Variants in PRC1 observed in about 807,000 individuals in gnomAD.
PRC1 encodes the protein anaphase spindle elongation 1 homolog.
Under a neutral mutation model 91.2 loss-of-function variants are expected in PRC1, and 54 were observed. That is an observed-to-expected ratio of 0.59 (90% CI 0.48 to 0.74). The LOEUF (loss-of-function observed/expected upper bound fraction) is 0.74, where lower values mean the gene tolerates loss of function less well. Among genes scored for constraint, PRC1 ranks in the 30% least tolerant of loss-of-function variants. The pLI is 0.00. For synonymous variants in PRC1, 275 were observed against 263.6 expected, an observed-to-expected ratio of 1.04 and a Z score of -0.42; for missense variants, 727 against 746.2, an observed-to-expected ratio of 0.97 and a Z score of 0.30.
intron 11 of PRC1, among the ~76,000 whole-genome samples, chr15:90,972,708 A>G (rs1214910637): frequency 6.6e-6 from 1 of 151,926 alleles, no homozygotes; most frequent in Non-Finnish European, 1.5e-5. Flanking sequence ...ATTGCACTCC[A>G]GCCTAGGCAA....
Position 90,969,499 on chromosome 15 carries a change from A to T in PRC1, c.1697T>A (p.Leu566His), listed in dbSNP as rs146571257. ...LSGGYPGSAPLQRNFSINSVA... is the reference protein window; with the variant it reads ...LSGGYPGSAPHQRNFSINSVA... ...AGAATTAATGCTGAAGTTGCGCTGG[A>T]GGGGGGCCGAGCCAGGGTACCCACC... Residue 566 changes from leucine (L) to histidine (H), a missense_variant, in exon 13 of 15, where the codon CTC becomes CAC. By Grantham distance (99) the Leu-to-His change is moderately conservative (BLOSUM62 -3). Coordinates refer to ENST00000394249, the MANE Select transcript of PRC1 (RefSeq NM_003981.4). 1.2e-5 allele frequency: 20 copies of T among 1,612,348 alleles called. No individual in the cohort carries two copies. The highest frequency in any genetic ancestry group is 1.3e-5 in the Non-Finnish European group (15 of 1,179,160).
chr15:90,970,755 ACAT>A (rs1195683199), intron 11 of PRC1, among the ~76,000 whole-genome samples: 1 of 152,246 alleles, frequency 6.6e-6, no homozygotes, highest in Non-Finnish European at 1.5e-5. Context: ...GTGGCACAAG[ACAT>A]CTAGCATATG....
chr15:90,987,214 G>A (rs2039649753), intron 1 of PRC1, among the ~76,000 whole-genome samples: 2 of 151,902 alleles, frequency 1.3e-5, no homozygotes, highest in African/African-American at 4.8e-5. Flanking sequence ...CTGAGAGGAT[G>A]AGGCTGCAGT....
chr15:90,982,272 TAC>T lies in PRC1; in HGVS notation c.268-293_268-292del, dbSNP rs200076121. ...ACGTGTACAGTTCATTGGTATTAAG[TAC>T]AGTCATATTGTTGTGCAATCATAAC... On this transcript the variant is annotated intron_variant, in intron 3 of 14. Coordinates refer to ENST00000394249, the MANE Select transcript of PRC1 (RefSeq NM_003981.4). Among the ~76,000 whole-genome samples, 5 of 152,352 alleles carry T rather than the reference TAC, an allele frequency of 3.3e-5. No homozygotes were observed. The East Asian group carries it at 7.7e-4, about 24-fold the overall frequency.
Position 90,980,176 on chromosome 15 carries a change from A to G in PRC1, c.970+66T>C, listed in dbSNP as rs371388236. 4.8e-6 allele frequency: 7 copies of G among 1,472,650 alleles called. 1 individual carries two copies. Among genetic ancestry groups the G allele is most frequent in the Admixed American group, 2.5e-5 (1 of 39,508 alleles). The allele number at this position is 1,472,650 out of a possible 1,614,324, so 91.2% of individuals were successfully genotyped here. On this transcript the variant is annotated intron_variant, in intron 7 of 14. Coordinates refer to ENST00000394249, the MANE Select transcript of PRC1 (RefSeq NM_003981.4). ...TGTTTGAGCCTAGGAACTTGAGACT[A>G]GGCTGGGCAACAGAGTAAGACCTGT...
intron 8 of PRC1, 146 bp from the exon 9 acceptor site, chr15:90,976,917 G>C: frequency 1.7e-6 from 1 of 589,686 alleles, no homozygotes; most frequent in Non-Finnish European, 3.0e-6. Context: ...GATCACCTGA[G>C]GTCGACAGTT....
At chr15:90,982,024 T>C in intron 3 of PRC1, 43 bp from the exon 4 acceptor site, 1 of 1,560,334 alleles carries the variant, frequency 6.4e-7, no homozygotes, top group Non-Finnish European at 8.8e-7. Flanking sequence ...TCCAAGTGAA[T>C]TCCTTCAGAG....
intron 1 of PRC1, among the ~76,000 whole-genome samples, chr15:90,989,998 T>C (rs190138106): frequency 6.6e-5 from 10 of 152,174 alleles, no homozygotes; most frequent in Admixed American, 6.5e-4. Flanking sequence ...CCGGAGTAGC[T>C]GGGACTACAG....
Position 90,980,986 on chromosome 15 carries a change from A to G in PRC1, c.720T>C (p.Arg240=). 6.2e-7 allele frequency: 1 copy of G among 1,614,202 alleles called. No individual in the cohort carries two copies. ...TGTCCCAGAGCTCTCGGATTTGAGTACGCAGCCCCTCACACACTGCTTCAT... is the reference window on the plus strand; with the variant it reads ...TGTCCCAGAGCTCTCGGATTTGAGTGCGCAGCCCCTCACACACTGCTTCAT... ...SQNEAVCEGL[R]TQIRELWDRL... Residue 240 remains arginine (R), a synonymous_variant, in exon 6 of 15, where the codon CGT becomes CGC. Coordinates refer to ENST00000394249, the MANE Select transcript of PRC1 (RefSeq NM_003981.4).
rs552892212 is a variant in PRC1, at chr15:90,974,321, C to T, written c.1351-75G>A. ...TCTGGGATGGCAACAGCAGCAGGGC[C>T]GGGAATCTAGGCCCGTGTCTCTACA... On this transcript the variant is annotated intron_variant, in intron 10 of 14. Coordinates refer to ENST00000394249, the MANE Select transcript of PRC1 (RefSeq NM_003981.4). This position sits in a 1 kb window ranked among gnomAD's most constrained non-coding sequence, Gnocchi z 4.6. 7.4e-4 allele frequency: 983 copies of T among 1,334,634 alleles called. 2 individuals carry two copies. Among genetic ancestry groups the T allele is most frequent in the Non-Finnish European group, 6.7e-4 (627 of 936,566 alleles). 82.7% of individuals were successfully genotyped at this position (1,334,634 alleles called of 1,614,324 possible).
At chr15:90,986,994 C>T (rs952058252) in intron 1 of PRC1, among the ~76,000 whole-genome samples, 2 of 151,486 alleles carry the variant, frequency 1.3e-5, no homozygotes, top group Non-Finnish European at 2.9e-5. Context: ...GCAAAACTGG[C>T]CAGGCACGGT....
intron 3 of PRC1, 82 bp from the exon 4 acceptor site, chr15:90,982,063 G>C (rs544222263): frequency 7.9e-7 from 1 of 1,268,852 alleles, no homozygotes; most frequent in Admixed American, 2.0e-5. Context: ...AGAAGGCGTG[G>C]ATGACAGACT....
intron 7 of PRC1, among the ~76,000 whole-genome samples, 187 bp downstream of exon 7, chr15:90,980,055 C>A (rs2039055789): frequency 6.6e-6 from 1 of 152,176 alleles, no homozygotes; most frequent in African/African-American, 2.4e-5. Context: ...TGTTGAATGT[C>A]TGGATGTCTT....
chr15:90,986,235 A>G (rs1268186993), intron 1 of PRC1, among the ~76,000 whole-genome samples: 1 of 152,254 alleles, frequency 6.6e-6, no homozygotes, highest in Non-Finnish European at 1.5e-5. Flanking sequence ...GAGAATGGTT[A>G]GAGAAGCACT....
Position 90,967,071 on chromosome 15 carries a change from C to T in PRC1, c.*60G>A. 6.8e-7 allele frequency: 1 copy of T among 1,462,844 alleles called. No individual in the cohort carries two copies. Among genetic ancestry groups the T allele is most frequent in the African/African-American group, 1.4e-5 (1 of 71,510 alleles). The allele number at this position is 1,462,844 out of a possible 1,614,324, so 90.6% of individuals were successfully genotyped here. A position where few individuals can be genotyped will look rare whatever the true frequency, so the allele number is the denominator to read the frequency against. On this transcript the variant is annotated 3_prime_UTR_variant, in exon 15 of 15. Transcript: ENST00000394249. ...GCTGAAGAAAAACTAAAGTCACCCC[C>T]ATATAATTAGGTCCAGTCTAGGCAC...
chr15:90,976,897 G>A (rs932014669), intron 8 of PRC1, 126 bp from the exon 9 acceptor site: 13 of 683,368 alleles, frequency 1.9e-5, no homozygotes, highest in Non-Finnish European at 2.4e-5. Context: ...TTGGGAGGCC[G>A]AGGCGAGTGG....
At chr15:90,977,576 G>GTTTTTTTTTTTTTTTTT (rs777558725) in intron 8 of PRC1, among the ~76,000 whole-genome samples, 1 of 95,478 alleles carries the variant, frequency 1.0e-5, no homozygotes, top group Non-Finnish European at 1.9e-5. Context: ...CCTTATTTAC[G>GTTTTTTTTTTTTTTTTT]TTTTTTTTTT....
intron 3 of PRC1, 60 bp downstream of exon 3, chr15:90,983,958 T>G: frequency 6.3e-7 from 1 of 1,584,608 alleles, no homozygotes; most frequent in East Asian, 2.3e-5. Context: ...CAAGTCAACG[T>G]TGCTTTCTAA....
At chr15:90,967,291 T>C in intron 14 of PRC1, 89 bp from the exon 15 acceptor site, 1 of 1,104,128 alleles carries the variant, frequency 9.1e-7, no homozygotes, top group Non-Finnish European at 1.4e-6. Context: ...CAGCAAAAGG[T>C]CCCTTGAAGG....
Sources: allele counts gnomAD v4.1 joint callset (sites outside exome capture counted in the v4.1 genomes callset), GRCh38; gene constraint gnomAD v4.1.1; non-coding constraint Gnocchi (gnomAD v3.1); transcripts MANE v1.5; gene names NCBI Gene and HGNC (gene_info 2026-07-23, HGNC 2026-07-21).